The following DDHD1 variants were observed in gnomAD, a reference collection of about 807,000 sequenced individuals.
DDHD1 encodes the protein phospholipase DDHD1.
Under a neutral mutation model 96.4 loss-of-function variants are expected in DDHD1, and 49 were observed. The ratio of observed to expected loss-of-function variants is 0.51; its 90% CI spans 0.40 to 0.64. The LOEUF (loss-of-function observed/expected upper bound fraction) is 0.64, where lower values mean the gene tolerates loss of function less well. DDHD1 is among the 30% of genes least tolerant of loss of function. The pLI, the probability that DDHD1 is intolerant of heterozygous loss-of-function variation, is 0.00. For missense variants in DDHD1, 1,106 were observed against 1,161.2 expected (o/e 0.95, Z 0.69); for synonymous variants, 442 against 446.5 (o/e 0.99, Z 0.13).
intron 2 of DDHD1, chr14:53,096,062 A>G: frequency 1.1e-6 from 1 of 877,316 alleles, no homozygotes; most frequent in Non-Finnish European, 1.4e-6. Flanking sequence ...ATGCAACTGA[A>G]TACTATAAGC....
chr14:53,109,118 G>A (rs1347440244), intron 1 of DDHD1, among the ~76,000 whole-genome samples: 1 of 152,186 alleles, frequency 6.6e-6, no homozygotes, highest in East Asian at 1.9e-4. Context: ...TTGGGTTGCC[G>A]TGCCTTGTTT....
intron 6 of DDHD1, among the ~76,000 whole-genome samples, chr14:53,071,523 A>G (rs751168009): frequency 2.0e-4 from 31 of 152,066 alleles, no homozygotes; most frequent in Non-Finnish European, 4.0e-4. Flanking sequence ...TAAGTTCTCA[A>G]TAAACAAATT....
At position 53,040,622 on chromosome 14, in the gene DDHD1, T is replaced by C. The variant is rs1362500651; in HGVS notation, c.*6146A>G. On this transcript the variant is annotated 3_prime_UTR_variant, in exon 13 of 13. Coordinates refer to ENST00000673822, the MANE Select transcript of DDHD1 (RefSeq NM_001160148.2). ...AGCTGAGAAAATCAGAACTGGACAATGCCAGAATAAAAGTTTAAAGTTTCT... is the reference window on the plus strand; with the variant it reads ...AGCTGAGAAAATCAGAACTGGACAACGCCAGAATAAAAGTTTAAAGTTTCT... The C allele has an allele frequency of 2.0e-5, 3 of 152,178 alleles. No individual in the cohort carries two copies. The highest frequency in any genetic ancestry group is 2.4e-5 in the African/African-American group (1 of 41,448). 9.4% of individuals were successfully genotyped at this position (152,178 alleles called of 1,614,324 possible). A position where few individuals can be genotyped will look rare whatever the true frequency, so the allele number is the denominator to read the frequency against.
chr14:53,051,515 A>C (rs1882566045), intron 12 of DDHD1, among the ~76,000 whole-genome samples: 1 of 152,036 alleles, frequency 6.6e-6, no homozygotes, highest in Non-Finnish European at 1.5e-5. Flanking sequence ...AAATGTATTA[A>C]ATGAAAAGAA....
chr14:53,104,191 C>T (rs1265514098), intron 1 of DDHD1, among the ~76,000 whole-genome samples: 2 of 152,256 alleles, frequency 1.3e-5, no homozygotes, highest in South Asian at 2.1e-4. Context: ...GATGTGACCA[C>T]CTTGGCCTCC....
chr14:53,047,850 A>G (rs144325312), intron 12 of DDHD1, among the ~76,000 whole-genome samples: 1 of 152,296 alleles, frequency 6.6e-6, no homozygotes, highest in African/African-American at 2.4e-5. Flanking sequence ...ATCCTTAGGA[A>G]CTCCTTTAAA....
chr14:53,102,658 G>T (rs531934782), intron 2 of DDHD1, among the ~76,000 whole-genome samples: 1 of 62,890 alleles, frequency 1.6e-5, no homozygotes, highest in Non-Finnish European at 5.0e-5. Context: ...TGTTCAGAGA[G>T]GTAAGAGAGA....
intron 4 of DDHD1, among the ~76,000 whole-genome samples, chr14:53,089,166 G>A (rs1047156307): frequency 3.3e-5 from 5 of 152,070 alleles, no homozygotes; most frequent in Non-Finnish European, 5.9e-5. Context: ...AATAAAAGAG[G>A]ACACAAACAA....
At chr14:53,086,282 A>G (rs1250943640) in intron 4 of DDHD1, among the ~76,000 whole-genome samples, 2 of 152,162 alleles carry the variant, frequency 1.3e-5, no homozygotes, top group Non-Finnish European at 2.9e-5. Context: ...CCAACATTCA[A>G]ATTCAGGAAA....
At chr14:53,093,552 A>G in intron 2 of DDHD1, 108 bp from the exon 3 acceptor site, 1 of 1,419,550 alleles carries the variant, frequency 7.0e-7, no homozygotes, top group Non-Finnish European at 9.5e-7. Context: ...TAAAAAACTC[A>G]GATATGGAAC....
chr14:53,062,310 T>C (rs1323838535), intron 7 of DDHD1, among the ~76,000 whole-genome samples: 2 of 152,024 alleles, frequency 1.3e-5, no homozygotes, highest in Admixed American at 1.3e-4. Context: ...TTTAATATGC[T>C]AGTAAATTAT....
chr14:53,094,283 G>T (rs1289100450), intron 2 of DDHD1, among the ~76,000 whole-genome samples: 1 of 152,016 alleles, frequency 6.6e-6, no homozygotes, highest in African/African-American at 2.4e-5. Flanking sequence ...AGAAAATGAG[G>T]TATTTTTGGA....
chr14:53,152,890 C>T lies in DDHD1; in HGVS notation c.209G>A (p.Gly70Asp), dbSNP rs1891560175. Residue 70 changes from glycine to aspartate, a missense_variant, in exon 1 of 13, where the codon GGC becomes GAC. Coordinates refer to ENST00000673822, the MANE Select transcript of DDHD1 (RefSeq NM_001160148.2). The stretch of plus-strand genomic sequence containing the variant: ...GAGGTGGTGGTTGTGGTCGTCGGTG[C>T]CCGGCGCCAAATGCAGCCCGGGTTC... ...RGEPGLHLAP[G>D]TDDHNHHLAL... 4 of 1,608,878 alleles carry T rather than the reference C, an allele frequency of 2.5e-6. No individual in the cohort carries two copies. In the South Asian group the frequency reaches 3.3e-5, roughly 13 times the overall value.
At chr14:53,076,413 T>G (rs887068575) in intron 4 of DDHD1, among the ~76,000 whole-genome samples, 1 of 152,150 alleles carries the variant, frequency 6.6e-6, no homozygotes, top group African/African-American at 2.4e-5. Context: ...TGCTGCAATT[T>G]CATGAGAAAA....
At chr14:53,152,148 C>T in intron 1 of DDHD1, 113 bp downstream of exon 1, 2 of 1,135,656 alleles carry the variant, frequency 1.8e-6, no homozygotes, top group Non-Finnish European at 1.2e-6. Flanking sequence ...CCCAGCCAAA[C>T]GCCAGGCCTC....
At chr14:53,139,988 T>G (rs948590879) in intron 1 of DDHD1, among the ~76,000 whole-genome samples, 1 of 152,054 alleles carries the variant, frequency 6.6e-6, no homozygotes, top group Non-Finnish European at 1.5e-5. Context: ...ATGAGAAATT[T>G]CAGCATGGAA....
intron 4 of DDHD1, among the ~76,000 whole-genome samples, chr14:53,078,660 T>A (rs1376968969): frequency 2.0e-5 from 3 of 152,142 alleles, no homozygotes; most frequent in Non-Finnish European, 4.4e-5. Context: ...ACGGAGATAG[T>A]TTTATCTCTT....
intron 1 of DDHD1, among the ~76,000 whole-genome samples, chr14:53,125,826 C>T (rs1889380684): frequency 1.3e-5 from 2 of 151,890 alleles, no homozygotes; most frequent in African/African-American, 2.4e-5. Context: ...CTCAGTCTCC[C>T]GAGTAGCTGG....
At chr14:53,149,625 G>C (rs1425844145) in intron 1 of DDHD1, among the ~76,000 whole-genome samples, 1 of 152,146 alleles carries the variant, frequency 6.6e-6, no homozygotes, top group Non-Finnish European at 1.5e-5. Context: ...TTATACAAGG[G>C]CTTGGACATC....
Sources: allele counts gnomAD v4.1 joint callset (sites outside exome capture counted in the v4.1 genomes callset), GRCh38; gene constraint gnomAD v4.1.1; transcripts MANE v1.5; gene names NCBI Gene and HGNC (gene_info 2026-07-23, HGNC 2026-07-21).